Variants in ARL8B observed in about 807,000 individuals in gnomAD.
The protein encoded by ARL8B is ADP-ribosylation factor-like protein 8B.
Under a neutral mutation model 30.6 loss-of-function variants are expected in ARL8B, and 9 were observed. That is an observed-to-expected ratio of 0.29 (90% CI 0.18 to 0.51). The LOEUF is 0.51. Among genes scored for constraint, ARL8B ranks in the 20% least tolerant of loss-of-function variants. The pLI is 0.97. For missense variants in ARL8B, 130 were observed against 227.2 expected, an observed-to-expected ratio of 0.57 and a Z score of 2.75; for synonymous variants, 74 against 76.0, an observed-to-expected ratio of 0.97 and a Z score of 0.14.
chr3:5,126,834 G>A (rs11926551), intron 1 of ARL8B, among the ~76,000 whole-genome samples: 54,188 of 152,052 alleles, frequency 0.36, 10,575 homozygotes, highest in African/African-American at 0.54. Flanking sequence ...AATAAGTCAT[G>A]TGCCTATATG....
intron 1 of ARL8B, among the ~76,000 whole-genome samples, chr3:5,156,264 T>C (rs1037548093): frequency 2.0e-5 from 3 of 152,188 alleles, no homozygotes; most frequent in Non-Finnish European, 2.9e-5. Flanking sequence ...TTTTTTCCTT[T>C]GAATGGACCA....
chr3:5,122,393 G>T lies in ARL8B; in HGVS notation c.-73G>T. The T allele has an allele frequency of 1.2e-6, 2 of 1,600,922 alleles. No individual in the cohort carries two copies. The highest frequency in any genetic ancestry group is 1.7e-6 in the Non-Finnish European group (2 of 1,175,060). On this transcript the variant is annotated 5_prime_UTR_variant, in exon 1 of 7. Coordinates refer to ENST00000256496, the MANE Select transcript of ARL8B (RefSeq NM_018184.3). ...GAGCCGTTGGAGGGTCCGGGCGGAG[G>T]CCCGCTCGTGTGGAAGTCGTCGACG...
chr3:5,170,691 G>T (rs1294675092), intron 2 of ARL8B, 108 bp downstream of exon 2: 1 of 694,704 alleles, frequency 1.4e-6, no homozygotes, highest in African/African-American at 1.9e-5. Flanking sequence ...TTTCAGTAAT[G>T]AATGTGCATG....
chr3:5,133,157 G>C (rs1008846128), intron 1 of ARL8B, among the ~76,000 whole-genome samples: 1 of 152,112 alleles, frequency 6.6e-6, no homozygotes, highest in South Asian at 2.1e-4. Flanking sequence ...CTGAGGGAAA[G>C]AAATTTTTTT....
At chr3:5,164,955 C>A (rs1037310923) in intron 1 of ARL8B, among the ~76,000 whole-genome samples, 3 of 152,106 alleles carry the variant, frequency 2.0e-5, no homozygotes, top group African/African-American at 7.2e-5. Flanking sequence ...TTGGGTTTGT[C>A]TGATGATTAG....
chr3:5,160,295 G>A (rs553783198), intron 1 of ARL8B, among the ~76,000 whole-genome samples: 86 of 152,292 alleles, frequency 5.6e-4, no homozygotes, highest in African/African-American at 2.0e-3. Flanking sequence ...TGGTTGACAA[G>A]GGATACTCAC....
chr3:5,138,227 G>T (rs536498363), intron 1 of ARL8B, among the ~76,000 whole-genome samples: 1 of 149,478 alleles, frequency 6.7e-6, no homozygotes, highest in African/African-American at 2.5e-5. Flanking sequence ...AAGACTAGCA[G>T]AGCATCTATT....
At chr3:5,163,466 AT>A (rs79363677) in intron 1 of ARL8B, among the ~76,000 whole-genome samples, 11,686 of 152,268 alleles carry the variant, frequency 0.077, 693 homozygotes, top group East Asian at 0.15. Flanking sequence ...TTGCAAAATT[AT>A]TTAAGGATTG....
chr3:5,130,692 C>A (rs555549755), intron 1 of ARL8B, among the ~76,000 whole-genome samples: 9 of 152,096 alleles, frequency 5.9e-5, no homozygotes, highest in East Asian at 1.9e-4. Context: ...TGCGCCACTA[C>A]GCCTGGCTAT....
At chr3:5,155,528 T>C (rs1158792463) in intron 1 of ARL8B, among the ~76,000 whole-genome samples, 6 of 152,154 alleles carry the variant, frequency 3.9e-5, no homozygotes, top group Admixed American at 3.9e-4. Flanking sequence ...ACTTCCACAG[T>C]GTGCATGTTG....
intron 1 of ARL8B, among the ~76,000 whole-genome samples, chr3:5,160,280 C>G (rs2054569694): frequency 6.6e-6 from 1 of 152,134 alleles, no homozygotes; most frequent in Non-Finnish European, 1.5e-5. Flanking sequence ...AGTGAAACTG[C>G]TGGTTGGTTG....
At chr3:5,144,492 C>T (rs2054402114) in intron 1 of ARL8B, among the ~76,000 whole-genome samples, 1 of 152,184 alleles carries the variant, frequency 6.6e-6, no homozygotes, top group Non-Finnish European at 1.5e-5. Flanking sequence ...AGCCTGGGGT[C>T]CCCATTGACT....
At chr3:5,163,244 C>G (rs927636849) in intron 1 of ARL8B, among the ~76,000 whole-genome samples, 2 of 152,076 alleles carry the variant, frequency 1.3e-5, no homozygotes, top group African/African-American at 4.8e-5. Flanking sequence ...GCCTCAGCCT[C>G]GAAAAGTGCT....
intron 1 of ARL8B, among the ~76,000 whole-genome samples, chr3:5,128,162 CA>C (rs35084667): frequency 0.068 from 3,639 of 53,192 alleles, 71 homozygotes; most frequent in African/African-American, 0.18. Flanking sequence ...AAATCCGTCT[CA>C]AAAAAAAAAA....
chr3:5,128,793 G>A (rs1194645132), intron 1 of ARL8B, among the ~76,000 whole-genome samples: 1 of 152,098 alleles, frequency 6.6e-6, no homozygotes, highest in African/African-American at 2.4e-5. Context: ...AACATTAAAA[G>A]CATTTCGTTT....
intron 1 of ARL8B, among the ~76,000 whole-genome samples, chr3:5,146,630 A>T (rs1191944947): frequency 6.6e-6 from 1 of 152,118 alleles, no homozygotes; most frequent in East Asian, 1.9e-4. Flanking sequence ...TAGGAGGCCC[A>T]TTATGACTTT....
chr3:5,167,651 C>G (rs1195535023), intron 1 of ARL8B, among the ~76,000 whole-genome samples: 1 of 152,156 alleles, frequency 6.6e-6, no homozygotes, highest in African/African-American at 2.4e-5. Context: ...TTTTTCTCAT[C>G]TGAGAAATGA....
At chr3:5,145,939 C>T (rs958098245) in intron 1 of ARL8B, among the ~76,000 whole-genome samples, 1 of 152,088 alleles carries the variant, frequency 6.6e-6, no homozygotes, top group African/African-American at 2.4e-5. Flanking sequence ...TAGAGACTTG[C>T]AATCCCCTCT....
intron 1 of ARL8B, among the ~76,000 whole-genome samples, chr3:5,123,338 C>T (rs1036391461): frequency 6.6e-6 from 1 of 152,136 alleles, no homozygotes; most frequent in African/African-American, 2.4e-5. Context: ...AAAGAAGGTA[C>T]TGGGCAGGAA....
Sources: gnomAD v4.1 joint callset for allele counts (sites outside exome capture counted in the v4.1 genomes callset) on GRCh38, gnomAD v4.1.1 for gene constraint, MANE v1.5 for transcripts, NCBI Gene and HGNC (gene_info 2026-07-23, HGNC 2026-07-21) for gene names.